The following GNAT3 variants were observed in gnomAD, a reference collection of about 807,000 sequenced individuals.
GNAT3 encodes guanine nucleotide-binding protein G(t) subunit alpha-3.
GNAT3 carries 31 observed loss-of-function variants against 37.7 expected under a neutral mutation model. That is an observed-to-expected ratio of 0.82 (90% CI 0.62 to 1.11). The LOEUF (loss-of-function observed/expected upper bound fraction) is 1.11, where lower values mean the gene tolerates loss of function less well. GNAT3 is among the 50% of genes most tolerant of loss of function. The pLI, the probability that GNAT3 is intolerant of heterozygous loss-of-function variation, is 0.00. For missense variants in GNAT3, 437 were observed against 412.5 expected, an observed-to-expected ratio of 1.06 and a Z score of -0.51; for synonymous variants, 138 against 139.8, an observed-to-expected ratio of 0.99 and a Z score of 0.09.
intron 2 of GNAT3, among the ~76,000 whole-genome samples, chr7:80,493,266 T>G (rs1584189193): frequency 6.6e-6 from 1 of 152,080 alleles, no homozygotes; most frequent in East Asian, 1.9e-4. Context: ...TGTGGAAATG[T>G]TATAAATGAA....
rs367567711 is a variant in GNAT3 at position 80,462,286 on chromosome 7, C to A, written c.747G>T (p.Leu249=). ...EVNRMHESLH[L]FNSICNHKYF... ...ACTTGTGATTACAGATACTGTTGAA[C>A]AGGTGAAGGCTTTCATGCATTCTAT... The change falls in exon 7 of 8, where the codon CTG becomes CTT. Residue 249 remains leucine (L), a synonymous_variant. Transcript: ENST00000398291. The A allele has an allele frequency of 7.8e-4, 1,262 of 1,613,026 alleles. No homozygotes were observed. The highest frequency in any genetic ancestry group is 9.0e-4 in the South Asian group (82 of 90,982).
intron 1 of GNAT3, among the ~76,000 whole-genome samples, chr7:80,498,428 A>G (rs1790773350): frequency 6.6e-6 from 1 of 152,176 alleles, no homozygotes; most frequent in African/African-American, 2.4e-5. Context: ...TCCTTGCTTT[A>G]TGTAGTGACT....
At chr7:80,511,257 C>A (rs1276984501) in intron 1 of GNAT3, among the ~76,000 whole-genome samples, 1 of 151,980 alleles carries the variant, frequency 6.6e-6, no homozygotes, top group East Asian at 1.9e-4. Context: ...GAGTATTTTT[C>A]AAGTGTACAG....
At chr7:80,460,126 G>A (rs1387252428) in intron 7 of GNAT3, among the ~76,000 whole-genome samples, 1 of 152,120 alleles carries the variant, frequency 6.6e-6, no homozygotes, top group Non-Finnish European at 1.5e-5. Context: ...TTAAGGAACA[G>A]AATATTAATT....
intron 4 of GNAT3, among the ~76,000 whole-genome samples, chr7:80,477,480 CAG>C (rs1172044972): frequency 6.6e-6 from 1 of 152,138 alleles, no homozygotes; most frequent in Admixed American, 6.6e-5. Flanking sequence ...TTCTCTCCAT[CAG>C]AGAGCTAGGA....
intron 5 of GNAT3, 98 bp downstream of exon 5, chr7:80,474,153 T>C: frequency 8.4e-7 from 1 of 1,184,684 alleles, no homozygotes; most frequent in Non-Finnish European, 1.2e-6. Flanking sequence ...CATCCAAGGA[T>C]TATTGAACCT....
At chr7:80,474,795 C>A (rs1006119174) in intron 4 of GNAT3, among the ~76,000 whole-genome samples, 1 of 152,112 alleles carries the variant, frequency 6.6e-6, no homozygotes, top group Non-Finnish European at 1.5e-5. Context: ...GTGCCTGGAT[C>A]ATTACAAAAC....
intron 1 of GNAT3, among the ~76,000 whole-genome samples, chr7:80,503,564 G>A (rs1328003170): frequency 1.3e-5 from 2 of 152,160 alleles, no homozygotes; most frequent in South Asian, 4.1e-4. Context: ...TATGCCAATA[G>A]AGATAGAGCT....
At chr7:80,461,747 G>A (rs901707226) in intron 7 of GNAT3, among the ~76,000 whole-genome samples, 2 of 152,080 alleles carry the variant, frequency 1.3e-5, no homozygotes, top group Non-Finnish European at 1.5e-5. Context: ...ATTCATTCAT[G>A]CTATATCTCT....
intron 7 of GNAT3, 25 bp downstream of exon 7, chr7:80,462,134 T>C (rs750683403): frequency 1.0e-5 from 15 of 1,440,740 alleles, no homozygotes. Context: ...TTTATTTCTA[T>C]GGAACTAAAA....
At chr7:80,482,225 C>T (rs1257343932) in intron 3 of GNAT3, among the ~76,000 whole-genome samples, 2 of 152,138 alleles carry the variant, frequency 1.3e-5, no homozygotes, top group Non-Finnish European at 2.9e-5. Context: ...TTTAAAACCC[C>T]ATTTCTCTGT....
intron 5 of GNAT3, among the ~76,000 whole-genome samples, chr7:80,465,717 A>C (rs1025463771): frequency 6.6e-6 from 1 of 152,140 alleles, no homozygotes; most frequent in Non-Finnish European, 1.5e-5. Flanking sequence ...CTCCCAGGCC[A>C]GGCAGTAGTT....
chr7:80,476,271 TG>T (rs1217630416), intron 4 of GNAT3, among the ~76,000 whole-genome samples: 3 of 151,830 alleles, frequency 2.0e-5, no homozygotes, highest in African/African-American at 7.2e-5. Context: ...ATATGGAATG[TG>T]GGAGTTCAAG....
intron 5 of GNAT3, among the ~76,000 whole-genome samples, chr7:80,465,996 A>T (rs977168350): frequency 1.3e-5 from 2 of 152,102 alleles, no homozygotes; most frequent in African/African-American, 4.8e-5. Context: ...GGGCTTTTCA[A>T]ACTGAAACCA....
At chr7:80,475,874 C>G (rs1180077837) in intron 4 of GNAT3, among the ~76,000 whole-genome samples, 2 of 151,882 alleles carry the variant, frequency 1.3e-5, no homozygotes, top group Non-Finnish European at 2.9e-5. Context: ...AATTTGTCAC[C>G]ATTGTTTTAT....
intron 5 of GNAT3, among the ~76,000 whole-genome samples, chr7:80,466,251 G>A (rs1474961615): frequency 6.6e-6 from 1 of 152,054 alleles, no homozygotes; most frequent in Non-Finnish European, 1.5e-5. Flanking sequence ...CCTCAGGTAA[G>A]TTTTCTCCAC....
At chr7:80,463,195 T>A (rs1269457413) in intron 5 of GNAT3, among the ~76,000 whole-genome samples, 5 of 152,142 alleles carry the variant, frequency 3.3e-5, no homozygotes, top group African/African-American at 9.7e-5. Flanking sequence ...TATAATATTA[T>A]GTAAAAAATA....
At chr7:80,498,494 C>T (rs1341778225) in intron 1 of GNAT3, among the ~76,000 whole-genome samples, 1 of 152,090 alleles carries the variant, frequency 6.6e-6, no homozygotes, top group East Asian at 1.9e-4. Context: ...GAGGAAAATT[C>T]CTAAAGAAAA....
intron 1 of GNAT3, among the ~76,000 whole-genome samples, chr7:80,497,594 G>GTCT (rs1790748510): frequency 7.6e-6 from 1 of 130,964 alleles, no homozygotes; most frequent in African/African-American, 3.2e-5. Flanking sequence ...ATACATATAC[G>GTCT]TATATACATA....
Sources: gnomAD v4.1 joint callset for allele counts (sites outside exome capture counted in the v4.1 genomes callset) on GRCh38, gnomAD v4.1.1 for gene constraint, MANE v1.5 for transcripts, NCBI Gene and HGNC (gene_info 2026-07-23, HGNC 2026-07-21) for gene names.